The following MRGPRF variants were observed in gnomAD, a reference collection of about 807,000 sequenced individuals.
MRGPRF encodes the protein mas-related G protein-coupled receptor member F.
In MRGPRF, 2 loss-of-function variants were observed where a neutral mutation model predicts 3.3. That is an observed-to-expected ratio of 0.61 (90% CI 0.25 to 1.92). The LOEUF (loss-of-function observed/expected upper bound fraction) is 1.92, where lower values mean the gene tolerates loss of function less well. MRGPRF is among the 40% of genes most tolerant of loss of function. The probability of loss-of-function intolerance (pLI) is 0.16; values close to 1 mark genes in which losing one functional copy is unlikely to be tolerated. For missense variants in MRGPRF, 500 were observed against 476.0 expected (o/e 1.05, Z -0.47); for synonymous variants, 242 against 222.7 (o/e 1.09, Z -0.77).
intron 1 of MRGPRF, 40 bp from the exon 2 acceptor site, chr11:69,009,997 G>T: frequency 1.4e-6 from 2 of 1,381,808 alleles, no homozygotes; most frequent in Non-Finnish European, 2.0e-6. Context: ...AGGACAGCAG[G>T]GACCCCTCCC....
intron 1 of MRGPRF, among the ~76,000 whole-genome samples, chr11:69,011,240 GC>G (rs1458023338): frequency 6.6e-6 from 1 of 152,150 alleles, no homozygotes; most frequent in Non-Finnish European, 1.5e-5. Flanking sequence ...CGTGTGGCCC[GC>G]CCCCTCTTTA....
chr11:69,005,913 G>A lies in MRGPRF; in HGVS notation c.397C>T (p.Leu133Phe). 1 of 1,573,710 alleles carries A rather than the reference G, an allele frequency of 6.4e-7. No individual in the cohort carries two copies. Among genetic ancestry groups the A allele is most frequent in the Non-Finnish European group, 8.6e-7 (1 of 1,160,122 alleles). ...CGCTCGGCGCTGACGGCCGGCAGGA[G>A]GCTCACGCCGGTAAGGAACATGCAG... is the stretch of plus-strand genomic sequence containing the variant. ...GLCMFLTGVS[L>F]LPAVSAERCA... The change falls in exon 3 of 3, where the codon CTC (leucine) becomes TTC (phenylalanine). Residue 133 changes from leucine to phenylalanine, a missense_variant. Transcript: ENST00000309099.
rs199725159 is a variant in MRGPRF at position 69,005,923 on chromosome 11, G to T, written c.387C>A (p.Thr129=). Residue 129 remains threonine, a synonymous_variant, in exon 3 of 3, where the codon ACC becomes ACA. Coordinates refer to ENST00000309099, the MANE Select transcript of MRGPRF (RefSeq NM_145015.5). ...CRVLGLCMFL[T]GVSLLPAVSA... is the part of the protein sequence containing the mutation. ...TGACGGCCGGCAGGAGGCTCACGCC[G>T]GTAAGGAACATGCAGAGCCCCAGGA... 5.4e-4 allele frequency: 844 copies of T among 1,575,280 alleles called. 3 individuals carry two copies. In the South Asian group the frequency reaches 6.4e-3, roughly 12 times the overall value.
At chr11:69,006,288 G>C in intron 2 of MRGPRF, 27 bp from the exon 3 acceptor site, 1 of 1,569,436 alleles carries the variant, frequency 6.4e-7, no homozygotes, top group South Asian at 1.2e-5. Flanking sequence ...AGGGACACCT[G>C]TGATGCCGGC....
intron 2 of MRGPRF, 110 bp downstream of exon 2, chr11:69,009,744 G>T: frequency 7.3e-7 from 1 of 1,365,972 alleles, no homozygotes; most frequent in Non-Finnish European, 1.0e-6. Flanking sequence ...TCCAGAGCTG[G>T]AAAGTGGGGC....
At chr11:69,006,284 A>G (rs772157914) in intron 2 of MRGPRF, 23 bp from the exon 3 acceptor site, 1 of 1,557,986 alleles carries the variant, frequency 6.4e-7, no homozygotes, top group East Asian at 2.3e-5. Flanking sequence ...AGAGAGGGAC[A>G]CCTGTGATGC....
intron 2 of MRGPRF, 61 bp from the exon 3 acceptor site, chr11:69,006,322 T>G (rs906568975): frequency 6.7e-7 from 1 of 1,486,296 alleles, no homozygotes; most frequent in Non-Finnish European, 8.9e-7. Flanking sequence ...CAGACCTGCA[T>G]CTGGGGCCCA....
In MRGPRF at chr11:69,005,578, C is replaced by T. The variant is rs1483024819; in HGVS notation, c.732G>A (p.Met244Ile). 6.3e-7 allele frequency: 1 copy of T among 1,582,976 alleles called. No homozygotes were observed. Among genetic ancestry groups the T allele is most frequent in the Non-Finnish European group, 8.6e-7 (1 of 1,165,052 alleles). The change falls in exon 3 of 3, where the codon ATG (methionine) becomes ATA (isoleucine). Residue 244 changes from methionine to isoleucine, a missense_variant. Met to Ile is a conservative substitution (Grantham distance 10, BLOSUM62 1). Coordinates refer to ENST00000309099, the MANE Select transcript of MRGPRF (RefSeq NM_145015.5). ...TGGAGGACACCAGGAAGACGGAGACCATGGCCAGGATGACGTGGTTGAGCT... is the reference window on the plus strand; with the variant it reads ...TGGAGGACACCAGGAAGACGGAGACTATGGCCAGGATGACGTGGTTGAGCT... ...SAKLNHVILAMVSVFLVSSIY... is the reference protein window; with the variant it reads ...SAKLNHVILAIVSVFLVSSIY...
intron 2 of MRGPRF, among the ~76,000 whole-genome samples, 179 bp from the exon 3 acceptor site, chr11:69,006,440 C>G (rs1237675585): frequency 1.3e-5 from 2 of 152,102 alleles, no homozygotes; most frequent in Non-Finnish European, 2.9e-5. Flanking sequence ...CTCAAACGCC[C>G]CTGACCTCAC....
chr11:69,010,425 C>T (rs897728304), intron 1 of MRGPRF, among the ~76,000 whole-genome samples: 1 of 152,212 alleles, frequency 6.6e-6, no homozygotes, highest in African/African-American at 2.4e-5. Context: ...TTTGGCTGAG[C>T]CGCGGTTTGT....
chr11:69,006,313 A>C, intron 2 of MRGPRF, 52 bp from the exon 3 acceptor site: 1 of 1,486,666 alleles, frequency 6.7e-7, no homozygotes, highest in Middle Eastern at 2.4e-4. Flanking sequence ...CCCCACCCAC[A>C]GACCTGCATC....
At chr11:69,010,614 G>T (rs1403732868) in intron 1 of MRGPRF, among the ~76,000 whole-genome samples, 1 of 152,196 alleles carries the variant, frequency 6.6e-6, no homozygotes, top group Non-Finnish European at 1.5e-5. Context: ...GGCGCTCCTG[G>T]GCTTAGAGGG....
intron 2 of MRGPRF, among the ~76,000 whole-genome samples, chr11:69,007,498 G>T (rs912368269): frequency 6.6e-6 from 1 of 152,152 alleles, no homozygotes; most frequent in African/African-American, 2.4e-5. Flanking sequence ...GTGAGCCACC[G>T]CACCCAGCCT....
Position 69,005,901 on chromosome 11 carries a change from C to G in MRGPRF, c.409G>C (p.Val137Leu). Residue 137 changes from valine (V) to leucine (L), a missense_variant, in exon 3 of 3, where the codon GTC (valine) becomes CTC (leucine). By Grantham distance (32) the Val-to-Leu change is conservative. Transcript: ENST00000309099. ...FLTGVSLLPAVSAERCASVIF... is the reference protein window; with the variant it reads ...FLTGVSLLPALSAERCASVIF... ...ACCGAGGCGCAGCGCTCGGCGCTGA[C>G]GGCCGGCAGGAGGCTCACGCCGGTA... 6.4e-7 allele frequency: 1 copy of G among 1,572,094 alleles called. No individual in the cohort carries two copies. Among genetic ancestry groups the G allele is most frequent in the South Asian group, 1.2e-5 (1 of 85,974 alleles).
chr11:69,009,761 G>C, intron 2 of MRGPRF, 93 bp downstream of exon 2: 2 of 1,421,550 alleles, frequency 1.4e-6, no homozygotes, highest in East Asian at 2.3e-5. Flanking sequence ...GGGCCAGGAA[G>C]GGGGGGATGG....
intron 1 of MRGPRF, among the ~76,000 whole-genome samples, chr11:69,010,395 A>C (rs773144134): frequency 2.6e-5 from 4 of 152,212 alleles, no homozygotes; most frequent in African/African-American, 9.7e-5. Context: ...GGCAGGGGGA[A>C]CCTGCTGGAG....
At position 69,005,368 on chromosome 11, in the gene MRGPRF, C is replaced by T. The variant is rs778545345; in HGVS notation, c.942G>A (p.Leu314=). 7.0e-6 allele frequency: 11 copies of T among 1,570,224 alleles called. No homozygotes were observed. In the Admixed American group the frequency reaches 1.7e-4, roughly 24 times the overall value. Residue 314 remains leucine (L), a synonymous_variant, in exon 3 of 3, where the codon CTG becomes CTA. Transcript: ENST00000309099. The part of the protein sequence containing the change: ...EPLRVVFQRA[L]RDGAELGEAG... ...CCTCCCCCAGCTCAGCGCCGTCCCG[C>T]AGGGCCCGCTGGAAGACCACCCTGA...
chr11:69,005,059 G>A lies in MRGPRF; in HGVS notation c.*219C>T. ...AAGAGGTCTCTAGGGGAGCAGAATG[G>A]GTGGGGGAGCCGGGCAGGGGCCACA... On this transcript the variant is annotated 3_prime_UTR_variant, in exon 3 of 3. Transcript: ENST00000309099. 1 of 594,618 alleles carries A rather than the reference G, an allele frequency of 1.7e-6. No homozygotes were observed. Among genetic ancestry groups the A allele is most frequent in the South Asian group, 2.5e-5 (1 of 39,726 alleles). 36.8% of individuals were successfully genotyped at this position (594,618 alleles called of 1,614,324 possible).
At position 69,005,725 on chromosome 11, in the gene MRGPRF, C is replaced by G; in HGVS notation, c.585G>C (p.Arg195Ser). 2 of 1,550,488 alleles carry G rather than the reference C, an allele frequency of 1.3e-6. No individual in the cohort carries two copies. The highest frequency in any genetic ancestry group is 1.7e-6 in the Non-Finnish European group (2 of 1,146,802). The change falls in exon 3 of 3, where the codon AGG (arginine) becomes AGC (serine). Residue 195 changes from arginine to serine, a missense_variant. Transcript: ENST00000309099. ...GGATGCCCAGGAAGATGTCCATGTGCCTGCAGGCCGCGCCGGGGGCCCCGC... is the reference window on the plus strand; with the variant it reads ...GGATGCCCAGGAAGATGTCCATGTGGCTGCAGGCCGCGCCGGGGGCCCCGC... ...LGRGAPGAAC[R>S]HMDIFLGILL...
Sources: gnomAD v4.1 joint callset for allele counts (sites outside exome capture counted in the v4.1 genomes callset) on GRCh38, gnomAD v4.1.1 for gene constraint, MANE v1.5 for transcripts, NCBI Gene and HGNC (gene_info 2026-07-23, HGNC 2026-07-21) for gene names.